Variants in FAM228B observed in about 807,000 individuals in gnomAD.
The protein encoded by FAM228B is protein FAM228B.
FAM228B carries 38 observed loss-of-function variants against 42.6 expected under a neutral mutation model. That is an observed-to-expected ratio of 0.89 (90% CI 0.69 to 1.17). FAM228B has a LOEUF of 1.17. FAM228B is among the 50% of genes most tolerant of loss of function. FAM228B has a pLI of 0.00. For synonymous variants in FAM228B, 109 were observed against 122.3 expected (o/e 0.89, Z 0.72); for missense variants, 344 against 367.3 (o/e 0.94, Z 0.52).
At chr2:24,161,427 G>C in intron 7 of FAM228B, 79 bp from the exon 8 acceptor site, 1 of 852,322 alleles carries the variant, frequency 1.2e-6, no homozygotes. Flanking sequence ...ACCACAGCCT[G>C]AGCAACAGAG....
intron 2 of FAM228B, among the ~76,000 whole-genome samples, chr2:24,093,112 T>C (rs1665424849): frequency 6.6e-6 from 1 of 152,256 alleles, no homozygotes; most frequent in African/African-American, 2.4e-5. Context: ...CAAAACTATG[T>C]GTCCCCTCTC....
At chr2:24,135,514 C>G (rs141174747) in intron 3 of FAM228B, among the ~76,000 whole-genome samples, 1 of 152,308 alleles carries the variant, frequency 6.6e-6, no homozygotes, top group African/African-American at 2.4e-5. Context: ...CTAATTATTA[C>G]TCAGATATAC....
chr2:24,155,525 A>T (rs1483203975), intron 7 of FAM228B, among the ~76,000 whole-genome samples: 52 of 48,282 alleles, frequency 1.1e-3, no homozygotes, highest in Non-Finnish European at 1.6e-3. Context: ...ATATATATAT[A>T]TATATATTTT....
chr2:24,079,435 A>G (rs762379529), intron 1 of FAM228B: 16 of 1,612,222 alleles, frequency 9.9e-6, no homozygotes, highest in Middle Eastern at 1.7e-4. Flanking sequence ...CTTTTCATTC[A>G]TCACTCACCT....
Position 24,135,177 on chromosome 2 carries a change from C to A in FAM228B, c.158C>A (p.Ser53Tyr). 1 of 1,487,938 alleles carries A rather than the reference C, an allele frequency of 6.7e-7. No individual in the cohort carries two copies. The highest frequency in any genetic ancestry group is 9.1e-7 in the Non-Finnish European group (1 of 1,103,088). 92.2% of individuals were successfully genotyped at this position (1,487,938 alleles called of 1,614,324 possible). A position where few individuals can be genotyped will look rare whatever the true frequency, so the allele number is the denominator to read the frequency against. The change falls in exon 3 of 11, where the codon TCT (serine) becomes TAT (tyrosine). Residue 53 changes from serine (S) to tyrosine (Y), a missense_variant. Coordinates refer to ENST00000615575, the MANE Select transcript of FAM228B (RefSeq NM_001145710.2). ...AIQSILYKEN[S>Y]VIKELDKYLQ... is the part of the protein sequence containing the mutation. ...CAATCAATATTATACAAAGAAAATT[C>A]TGTAATTAAGGTAAGAATTGGCTAC...
At chr2:24,152,028 CT>C (rs1482532202) in intron 7 of FAM228B, among the ~76,000 whole-genome samples, 1 of 152,094 alleles carries the variant, frequency 6.6e-6, no homozygotes, top group Non-Finnish European at 1.5e-5. Context: ...GCCACCATGC[CT>C]GGCTAATTTT....
intron 7 of FAM228B, among the ~76,000 whole-genome samples, chr2:24,158,362 T>A (rs971847495): frequency 6.1e-4 from 93 of 152,110 alleles, no homozygotes; most frequent in African/African-American, 2.2e-3. Flanking sequence ...GATCACACAG[T>A]TTGCACCTGT....
At chr2:24,127,640 C>A (rs1666348621) in intron 2 of FAM228B, among the ~76,000 whole-genome samples, 1 of 151,734 alleles carries the variant, frequency 6.6e-6, no homozygotes, top group South Asian at 2.1e-4. Context: ...TAGTTTCTGA[C>A]AAATCTGGAA....
intron 5 of FAM228B, among the ~76,000 whole-genome samples, chr2:24,145,182 C>A (rs1364078753): frequency 2.6e-5 from 4 of 152,204 alleles, no homozygotes; most frequent in Non-Finnish European, 5.9e-5. Context: ...ACTGGCCCAC[C>A]TGAACCCGTA....
intron 7 of FAM228B, among the ~76,000 whole-genome samples, chr2:24,152,876 A>T (rs1322340090): frequency 6.6e-6 from 1 of 152,126 alleles, no homozygotes; most frequent in South Asian, 2.1e-4. Context: ...GGTCTTTTCT[A>T]CTGCAGCTCA....
At chr2:24,087,823 C>A (rs571348483) in intron 2 of FAM228B, among the ~76,000 whole-genome samples, 1 of 149,534 alleles carries the variant, frequency 6.7e-6, no homozygotes, top group East Asian at 2.0e-4. Flanking sequence ...ACTCTGTCAC[C>A]CAGGCGATCT....
At chr2:24,142,453 A>C (rs987355331) in intron 5 of FAM228B, 1 of 152,106 alleles carries the variant, frequency 6.6e-6, no homozygotes, top group African/African-American at 2.4e-5. Context: ...AAAATTATTA[A>C]CTTTACTAAG....
At chr2:24,110,489 G>A (rs986982149) in intron 3 of FAM228B, among the ~76,000 whole-genome samples, 2 of 152,172 alleles carry the variant, frequency 1.3e-5, no homozygotes, top group Admixed American at 6.5e-5. Context: ...TCATATAGCC[G>A]ATGATTCAGT....
intron 2 of FAM228B, among the ~76,000 whole-genome samples, chr2:24,087,756 G>C (rs1665294573): frequency 1.3e-5 from 2 of 150,734 alleles, no homozygotes; most frequent in South Asian, 4.2e-4. Flanking sequence ...GACTACAGGT[G>C]TGAGCCACCA....
In FAM228B at chr2:24,150,344, T is replaced by C. The variant is rs986273772; in HGVS notation, c.686+3258T>C. On this transcript the variant is annotated intron_variant, in intron 7 of 10. Coordinates refer to ENST00000615575, the MANE Select transcript of FAM228B (RefSeq NM_001145710.2). The stretch of plus-strand genomic sequence containing the variant: ...TGGAAAGGTCTTTATTTCTCCTTCA[T>C]GCTTGAAGGATATTTTTTTTTCTGG... 2.0e-5 allele frequency among the ~76,000 whole-genome samples: 3 copies of C among 152,268 alleles called. No homozygotes were observed. The East Asian group carries it at 5.8e-4, about 29-fold the overall frequency.
chr2:24,105,172 G>C (rs1028830589), intron 3 of FAM228B, among the ~76,000 whole-genome samples: 3 of 152,178 alleles, frequency 2.0e-5, no homozygotes, highest in African/African-American at 7.2e-5. Context: ...CTGCAGGCAG[G>C]GACAACCTCG....
At chr2:24,088,328 C>T (rs1311665591) in intron 2 of FAM228B, among the ~76,000 whole-genome samples, 1 of 151,994 alleles carries the variant, frequency 6.6e-6, no homozygotes, top group Non-Finnish European at 1.5e-5. Context: ...ACCTCTTCAC[C>T]TGGCTGTTCA....
intron 7 of FAM228B, among the ~76,000 whole-genome samples, chr2:24,149,748 A>G (rs1407156178): frequency 6.6e-6 from 1 of 152,152 alleles, no homozygotes; most frequent in Non-Finnish European, 1.5e-5. Context: ...GTTGATTTGT[A>G]ATAAGGCTTT....
chr2:24,122,539 C>T, upstream of FAM228B: 11 of 1,600,836 alleles, frequency 6.9e-6, no homozygotes, highest in African/African-American at 1.3e-5. Context: ...GGCTCATGTT[C>T]CCTCAACTCT....
Sources: gnomAD v4.1 joint callset for allele counts (sites outside exome capture counted in the v4.1 genomes callset) on GRCh38, gnomAD v4.1.1 for gene constraint, MANE v1.5 for transcripts, NCBI Gene and HGNC (gene_info 2026-07-23, HGNC 2026-07-21) for gene names.